Variants in WDR70 observed in about 807,000 individuals in gnomAD.
WDR70 encodes WD repeat domain 70, also known as WD repeat-containing protein 70.
A neutral mutation model predicts 88.6 loss-of-function variants in WDR70; 53 were observed. The ratio of observed to expected loss-of-function variants is 0.60; its 90% CI spans 0.48 to 0.75. The LOEUF (loss-of-function observed/expected upper bound fraction) is 0.75, where lower values mean the gene tolerates loss of function less well. WDR70 is among the 30% of genes least tolerant of loss of function. WDR70 has a pLI of 0.00. For missense variants in WDR70, 610 were observed against 823.2 expected (o/e 0.74, Z 3.17); for synonymous variants, 280 against 270.0 (o/e 1.04, Z -0.36).
In WDR70 at chr5:37,583,523, A is replaced by G. The variant is rs1743278946; in HGVS notation, c.918-21541A>G. Among the ~76,000 whole-genome samples, 4 of 107,408 alleles carry G rather than the reference A, an allele frequency of 3.7e-5. 1 individual carries two copies. In the South Asian group the frequency reaches 1.2e-3, roughly 32 times the overall value. 70.5% of individuals were successfully genotyped at this position (107,408 alleles called of 152,430 possible). On this transcript the variant is annotated intron_variant, in intron 9 of 17. Coordinates refer to ENST00000265107, the MANE Select transcript of WDR70 (RefSeq NM_018034.4). ...ATGGGGGGAGAAAGCATAAGGGATGATTGGCTATGACAAGCAGTCATAGTA... is the reference window on the plus strand; with the variant it reads ...ATGGGGGGAGAAAGCATAAGGGATGGTTGGCTATGACAAGCAGTCATAGTA...
chr5:37,721,055 C>T, intron 13 of WDR70, 60 bp from the exon 14 acceptor site: 1 of 1,426,668 alleles, frequency 7.0e-7, no homozygotes, highest in Non-Finnish European at 9.9e-7. Flanking sequence ...AAAGTACCAG[C>T]AGGATTGTTT....
intron 5 of WDR70, among the ~76,000 whole-genome samples, chr5:37,410,051 G>GTT (rs112303347): frequency 1.6e-4 from 24 of 147,482 alleles, no homozygotes; most frequent in South Asian, 2.1e-4. Context: ...GTCCACTAGT[G>GTT]TTTTTTTTTT....
rs182792715 is a variant in WDR70, at chr5:37,456,637, T to G, written c.686+13265T>G. Among the ~76,000 whole-genome samples, 160 of 152,322 alleles carry G rather than the reference T, an allele frequency of 1.1e-3. 1 individual carries two copies. Among genetic ancestry groups the G allele is most frequent in the African/African-American group, 3.4e-3 (141 of 41,584 alleles). On this transcript the variant is annotated intron_variant, in intron 7 of 17. Transcript: ENST00000265107. ...TTATGTCCTAGAAATGGAAGTGTAT[T>G]ATATGGGGGTATTGGAGAACTTTCA...
At chr5:37,740,461 C>T (rs999927438) in intron 17 of WDR70, among the ~76,000 whole-genome samples, 1 of 152,174 alleles carries the variant, frequency 6.6e-6, no homozygotes, top group African/African-American at 2.4e-5. Flanking sequence ...GTTCAGTGTG[C>T]TAAAGTTGAA....
intron 13 of WDR70, among the ~76,000 whole-genome samples, chr5:37,718,037 A>C (rs930347111): frequency 6.6e-6 from 1 of 152,180 alleles, no homozygotes; most frequent in Non-Finnish European, 1.5e-5. Flanking sequence ...ACTCATTGCC[A>C]CAGTGCATGG....
At chr5:37,487,197 G>A (rs1316445823) in intron 8 of WDR70, among the ~76,000 whole-genome samples, 1 of 152,000 alleles carries the variant, frequency 6.6e-6, no homozygotes, top group Non-Finnish European at 1.5e-5. Flanking sequence ...TCAAAATCAT[G>A]GCTTATATGT....
chr5:37,410,783 T>C (rs1444685284), intron 5 of WDR70, among the ~76,000 whole-genome samples: 3 of 152,204 alleles, frequency 2.0e-5, no homozygotes, highest in Admixed American at 6.5e-5. Flanking sequence ...TAGCCCTTAG[T>C]TTCTATATGG....
chr5:37,436,847 A>G (rs1750480861), intron 5 of WDR70, among the ~76,000 whole-genome samples: 1 of 152,048 alleles, frequency 6.6e-6, no homozygotes, highest in African/African-American at 2.4e-5. Flanking sequence ...CAGGGGAAAG[A>G]TTGAAGATAG....
intron 17 of WDR70, among the ~76,000 whole-genome samples, chr5:37,749,272 A>T (rs1046549061): frequency 6.6e-6 from 1 of 152,238 alleles, no homozygotes; most frequent in African/African-American, 2.4e-5. Flanking sequence ...CTATACAGTC[A>T]TAAAAAGGAA....
At chr5:37,586,185 C>A (rs1743359723) in intron 9 of WDR70, among the ~76,000 whole-genome samples, 1 of 152,142 alleles carries the variant, frequency 6.6e-6, no homozygotes, top group African/African-American at 2.4e-5. Flanking sequence ...TGATTCCCTT[C>A]TGTACTTAAA....
chr5:37,600,396 G>A (rs953598086), intron 9 of WDR70, among the ~76,000 whole-genome samples: 11 of 151,934 alleles, frequency 7.2e-5, no homozygotes, highest in Non-Finnish European at 1.5e-4. Flanking sequence ...CCGTGGTGGC[G>A]GGCGCCTGTA....
chr5:37,390,441 G>A (rs763426609), intron 3 of WDR70, among the ~76,000 whole-genome samples: 1 of 150,840 alleles, frequency 6.6e-6, no homozygotes, highest in Non-Finnish European at 1.5e-5. Flanking sequence ...CTGGGTTCAC[G>A]CCATTCTCTT....
chr5:37,564,247 A>T (rs966909291), intron 9 of WDR70, among the ~76,000 whole-genome samples: 2 of 152,068 alleles, frequency 1.3e-5, no homozygotes, highest in African/African-American at 4.8e-5. Context: ...TTGAGCACTG[A>T]GTGAACGCGA....
chr5:37,402,944 GTTTTTTTTTT>G (rs5867348), intron 5 of WDR70, among the ~76,000 whole-genome samples: 4 of 84,372 alleles, frequency 4.7e-5, no homozygotes, highest in African/African-American at 2.1e-4. Flanking sequence ...CCCTCCCTCC[GTTTTTTTTTT>G]TTTTTTTTTT....
intron 9 of WDR70, among the ~76,000 whole-genome samples, chr5:37,541,848 G>C (rs1214347294): frequency 6.6e-6 from 1 of 152,124 alleles, no homozygotes; most frequent in Non-Finnish European, 1.5e-5. Context: ...AAATCAAATT[G>C]AATATAACTT....
chr5:37,537,729 T>C (rs1741705857), intron 9 of WDR70, among the ~76,000 whole-genome samples: 1 of 152,188 alleles, frequency 6.6e-6, no homozygotes, highest in Non-Finnish European at 1.5e-5. Flanking sequence ...TTATACTTCA[T>C]TGTGATTGTC....
At chr5:37,580,137 T>A (rs1743177688) in intron 9 of WDR70, among the ~76,000 whole-genome samples, 1 of 152,252 alleles carries the variant, frequency 6.6e-6, no homozygotes, top group Non-Finnish European at 1.5e-5. Context: ...TAATTTTATC[T>A]ATTTAATGAA....
chr5:37,448,590 A>G lies in WDR70; in HGVS notation c.686+5218A>G, dbSNP rs61235304. Among the ~76,000 whole-genome samples the G allele has an allele frequency of 7.4e-3, 1,120 of 152,346 alleles. 17 individuals carry two copies. The highest frequency in any genetic ancestry group is 0.025 in the African/African-American group (1,054 of 41,594). ...TAAATTTCAGAATATTTTTAAATTT[A>G]TAGATAAGCTACAAAGATAGTACAG... On this transcript the variant is annotated intron_variant, in intron 7 of 17. Coordinates refer to ENST00000265107, the MANE Select transcript of WDR70 (RefSeq NM_018034.4).
chr5:37,511,083 G>T (rs1581350609), intron 8 of WDR70, among the ~76,000 whole-genome samples: 4 of 152,226 alleles, frequency 2.6e-5, no homozygotes, highest in Admixed American at 2.6e-4. Context: ...TAATTTGCAG[G>T]GAGATTTTGA....
Sources: gnomAD v4.1 joint callset for allele counts (sites outside exome capture counted in the v4.1 genomes callset) on GRCh38, gnomAD v4.1.1 for gene constraint, MANE v1.5 for transcripts, NCBI Gene and HGNC (gene_info 2026-07-23, HGNC 2026-07-21) for gene names.